PRLR: variants seen among roughly 807,000 people sequenced by gnomAD.
PRLR encodes prolactin receptor.
Under a neutral mutation model 40.2 loss-of-function variants are expected in PRLR, and 13 were observed. That is an observed-to-expected ratio of 0.32 (90% CI 0.21 to 0.51). The LOEUF is 0.51. PRLR is among the 20% of genes least tolerant of loss of function. PRLR has a pLI of 0.97. For missense variants in PRLR, 656 were observed against 747.3 expected, an observed-to-expected ratio of 0.88 and a Z score of 1.42; for synonymous variants, 269 against 278.7, an observed-to-expected ratio of 0.97 and a Z score of 0.35.
chr5:35,155,093 T>C (rs1579740602), intron 1 of PRLR, among the ~76,000 whole-genome samples: 1 of 132,798 alleles, frequency 7.5e-6, no homozygotes, highest in Non-Finnish European at 1.5e-5. Flanking sequence ...CCACGGCACA[T>C]GTTTACCTGT....
At chr5:35,054,587 T>A (rs1014001006), downstream of PRLR, among the ~76,000 whole-genome samples, 1 of 152,106 alleles carries the variant, frequency 6.6e-6, no homozygotes. Context: ...TGTAGATAAA[T>A]AGGGAGATTA....
intron 1 of PRLR, among the ~76,000 whole-genome samples, chr5:35,137,030 G>T (rs139677094): frequency 0.013 from 1,929 of 151,862 alleles, 22 homozygotes; most frequent in Non-Finnish European, 0.019. Context: ...CAGAAAAAAA[G>T]AAAAAGTGAT....
At chr5:35,075,014 G>T (rs1278780533) in intron 5 of PRLR, among the ~76,000 whole-genome samples, 2 of 152,066 alleles carry the variant, frequency 1.3e-5, no homozygotes, top group African/African-American at 4.8e-5. Context: ...AGTGTACTTG[G>T]CATTATGAGT....
intron 1 of PRLR, among the ~76,000 whole-genome samples, chr5:35,136,955 A>AGG: frequency 6.6e-6 from 1 of 150,854 alleles, no homozygotes; most frequent in African/African-American, 2.5e-5. Flanking sequence ...AAAAAGAAAA[A>AGG]AAAAAAAGCC....
At chr5:35,128,497 A>G (rs1463989275) in intron 1 of PRLR, among the ~76,000 whole-genome samples, 1 of 151,808 alleles carries the variant, frequency 6.6e-6, no homozygotes, top group Non-Finnish European at 1.5e-5. Context: ...TACATTTTGT[A>G]TTATTTTTAT....
At position 35,072,707 on chromosome 5, in the gene PRLR, T is replaced by C; in HGVS notation, c.411A>G (p.Val137=). The change falls in exon 6 of 10, where the codon GTA becomes GTG. Residue 137 remains valine (V), a synonymous_variant. Coordinates refer to ENST00000618457, the MANE Select transcript of PRLR (RefSeq NM_000949.7). ...AGGGTTTTCTGTCTTCTGGCTGTTT[T>C]ACTTCCACAGCCAGCTCCAAAGGAG... ...PDPPLELAVE[V]KQPEDRKPYL... 1.9e-6 allele frequency: 3 copies of C among 1,614,202 alleles called. No homozygotes were observed. Among genetic ancestry groups the C allele is most frequent in the Non-Finnish European group, 1.7e-6 (2 of 1,180,024 alleles).
At chr5:35,092,659 G>A (rs765983608) in intron 2 of PRLR, among the ~76,000 whole-genome samples, 1 of 152,136 alleles carries the variant, frequency 6.6e-6, no homozygotes, top group Non-Finnish European at 1.5e-5. Context: ...TATCCAATGA[G>A]GGGCCTCATC....
At chr5:35,136,418 C>T (rs2962108) in intron 1 of PRLR, among the ~76,000 whole-genome samples, 31,434 of 151,854 alleles carry the variant, frequency 0.21, 5,849 homozygotes, top group African/African-American at 0.5. Flanking sequence ...CTGTAGGGTG[C>T]CTAGCAGCAT....
chr5:35,108,966 A>G (rs1380015739), intron 2 of PRLR, among the ~76,000 whole-genome samples: 1 of 152,240 alleles, frequency 6.6e-6, no homozygotes, highest in Non-Finnish European at 1.5e-5. Flanking sequence ...ACTTCAAACT[A>G]TACTACAAGG....
chr5:35,192,111 T>G (rs919140705), intron 1 of PRLR, among the ~76,000 whole-genome samples: 13 of 152,342 alleles, frequency 8.5e-5, no homozygotes, highest in African/African-American at 3.1e-4. Context: ...GTGCCTGTCG[T>G]GTCCACATAC....
At chr5:35,137,404 A>C (rs1196100537) in intron 1 of PRLR, among the ~76,000 whole-genome samples, 1 of 152,198 alleles carries the variant, frequency 6.6e-6, no homozygotes, top group Non-Finnish European at 1.5e-5. Context: ...GAGGAGCTGA[A>C]AGGGTACCAG....
chr5:35,174,309 C>T (rs956832542), intron 1 of PRLR, among the ~76,000 whole-genome samples: 5 of 152,126 alleles, frequency 3.3e-5, no homozygotes, highest in African/African-American at 1.2e-4. Context: ...AGGCTGGTCT[C>T]GAACTCCTGA....
chr5:35,176,897 G>A (rs2111964426), intron 1 of PRLR, among the ~76,000 whole-genome samples: 1 of 152,286 alleles, frequency 6.6e-6, no homozygotes, highest in South Asian at 2.1e-4. Context: ...GCCTGTCCCT[G>A]GGCAATGGAA....
exon 9 of PRLR, chr5:35,049,028 G>C: frequency 1.8e-6 from 1 of 542,762 alleles, no homozygotes. Flanking sequence ...AGGAGGTGAA[G>C]GCACTAGGTA....
In PRLR at chr5:35,061,188, A is replaced by C. The variant is rs1353340958; in HGVS notation, c.*3901T>G. On this transcript the variant is annotated 3_prime_UTR_variant, in exon 10 of 10. Transcript: ENST00000618457. ...TAATCAATACATTTTTCCTTGCAAA[A>C]TGAAAACTTTAAAAAAAAATAGAGG... 4 of 151,956 alleles carry C rather than the reference A, an allele frequency of 2.6e-5. No individual in the cohort carries two copies. The allele number at this position is 151,956 out of a possible 1,614,324, so 9.4% of individuals were successfully genotyped here. A position where few individuals can be genotyped will look rare whatever the true frequency, so the allele number is the denominator to read the frequency against.
chr5:35,159,709 A>C, intron 1 of PRLR, among the ~76,000 whole-genome samples: 1 of 152,152 alleles, frequency 6.6e-6, no homozygotes, highest in East Asian at 1.9e-4. Context: ...CTTAGCATGG[A>C]GTTTGGGGGC....
At chr5:35,180,820 G>A (rs775331942) in intron 1 of PRLR, among the ~76,000 whole-genome samples, 8 of 152,212 alleles carry the variant, frequency 5.3e-5, no homozygotes, top group Admixed American at 3.3e-4. Context: ...GCACCTATGA[G>A]TGAGAACATG....
downstream of PRLR, among the ~76,000 whole-genome samples, chr5:35,054,371 A>G (rs1768621581): frequency 6.6e-6 from 1 of 152,214 alleles, no homozygotes; most frequent in South Asian, 2.1e-4. Context: ...TGCTCATTGC[A>G]TAGTCATTTA....
intron 1 of PRLR, among the ~76,000 whole-genome samples, chr5:35,164,439 T>C (rs956640765): frequency 2.0e-5 from 3 of 152,184 alleles, no homozygotes; most frequent in African/African-American, 7.2e-5. Flanking sequence ...AGGAGTCAAC[T>C]GCTTGAGATT....
Sources: gnomAD v4.1 joint callset for allele counts (sites outside exome capture counted in the v4.1 genomes callset) on GRCh38, gnomAD v4.1.1 for gene constraint, MANE v1.5 for transcripts, NCBI Gene and HGNC (gene_info 2026-07-23, HGNC 2026-07-21) for gene names.